The following C2CD2 variants were observed in gnomAD, a reference collection of about 807,000 sequenced individuals.
C2CD2 encodes C2 calcium dependent domain containing 2, also known as C2 domain-containing protein 2.
Under a neutral mutation model 74.3 loss-of-function variants are expected in C2CD2, and 43 were observed. The observed-to-expected ratio is 0.58, with a 90% CI of 0.45 to 0.75. The LOEUF is 0.75. C2CD2 is among the 30% of genes least tolerant of loss of function. C2CD2 has a pLI of 0.00. For missense variants in C2CD2, 801 were observed against 916.3 expected (o/e 0.87, Z 1.63); for synonymous variants, 422 against 390.7 (o/e 1.08, Z -0.94).
intron 1 of C2CD2, among the ~76,000 whole-genome samples, chr21:41,948,203 G>A (rs1300089580): frequency 6.6e-6 from 1 of 152,222 alleles, no homozygotes; most frequent in Non-Finnish European, 1.5e-5. Context: ...AGTCCAGATG[G>A]GGGAATGGGC....
rs1046742147 is a variant in C2CD2 at position 41,939,193 on chromosome 21, C to T, written c.378+2954G>A. Among the ~76,000 whole-genome samples, 1 of 152,174 alleles carries T rather than the reference C, an allele frequency of 6.6e-6. No homozygotes were observed. Among genetic ancestry groups the T allele is most frequent in the Non-Finnish European group, 1.5e-5 (1 of 68,042 alleles). On this transcript the variant is annotated intron_variant, in intron 2 of 13. Coordinates refer to ENST00000380486, the MANE Select transcript of C2CD2 (RefSeq NM_015500.2). The surrounding 1 kb of genome is among the most constrained non-coding windows in gnomAD (Gnocchi z 5.5). Reference sequence around the variant, plus strand: ...TGCTATGGTCATGGCCATACAAATACGATGCTGTTTTTCACTTCTAATTTA... The same window carrying T: ...TGCTATGGTCATGGCCATACAAATATGATGCTGTTTTTCACTTCTAATTTA...
At chr21:41,918,525 G>A (rs1388608703) in intron 4 of C2CD2, among the ~76,000 whole-genome samples, 2 of 152,180 alleles carry the variant, frequency 1.3e-5, no homozygotes, top group Non-Finnish European at 2.9e-5. Context: ...GGCTGCATAT[G>A]AGTGCTAAAA....
chr21:41,951,995 C>T (rs2146241049), intron 1 of C2CD2, among the ~76,000 whole-genome samples: 1 of 152,298 alleles, frequency 6.6e-6, no homozygotes, highest in East Asian at 1.9e-4. Context: ...GCCTCAGAAG[C>T]CTTGATTCCA....
At position 41,939,525 on chromosome 21, in the gene C2CD2, C is replaced by CG. The variant is rs536686793; in HGVS notation, c.378+2621dup. On this transcript the variant is annotated intron_variant, in intron 2 of 13. Coordinates refer to ENST00000380486, the MANE Select transcript of C2CD2 (RefSeq NM_015500.2). This position sits in a 1 kb window ranked among gnomAD's most constrained non-coding sequence, Gnocchi z 5.5. Reference sequence around the variant, plus strand: ...GCCTGGGAAGGCACTTCCAAAGCAGCGGGCTCCAGGAGGGCAGGCCCACGG... The same window carrying CG: ...GCCTGGGAAGGCACTTCCAAAGCAGCGGGGCTCCAGGAGGGCAGGCCCACGG... 7.9e-5 allele frequency among the ~76,000 whole-genome samples: 12 copies of CG among 152,298 alleles called. No homozygotes were observed. The East Asian group carries it at 2.3e-3, about 29-fold the overall frequency.
intron 5 of C2CD2, among the ~76,000 whole-genome samples, chr21:41,915,806 C>G (rs1040254974): frequency 2.6e-5 from 4 of 151,854 alleles, no homozygotes; most frequent in Non-Finnish European, 4.4e-5. Context: ...CTTTCCTTTT[C>G]TAATTATACT....
chr21:41,894,289 ACTGTTTT>A (rs1216330174), intron 13 of C2CD2, among the ~76,000 whole-genome samples: 2 of 152,132 alleles, frequency 1.3e-5, no homozygotes, highest in Admixed American at 1.3e-4. Flanking sequence ...GCTTTTGGTC[ACTGTTTT>A]CCTACCTATA....
intron 13 of C2CD2, among the ~76,000 whole-genome samples, chr21:41,896,755 A>T (rs2064828985): frequency 6.6e-6 from 1 of 151,870 alleles, no homozygotes; most frequent in Non-Finnish European, 1.5e-5. Context: ...AAAAAAAGAC[A>T]TCCTCTATCA....
intron 1 of C2CD2, among the ~76,000 whole-genome samples, chr21:41,948,351 C>T (rs751637451): frequency 2.4e-4 from 37 of 151,882 alleles, no homozygotes; most frequent in Non-Finnish European, 4.0e-4. Flanking sequence ...CTCACAATGC[C>T]GGGAGCTGAC....
In C2CD2 at chr21:41,895,780, T is replaced by C. The variant is rs983512914; in HGVS notation, c.1870+3273A>G. Among the ~76,000 whole-genome samples, 1 of 151,860 alleles carries C rather than the reference T, an allele frequency of 6.6e-6. No homozygotes were observed. Among genetic ancestry groups the C allele is most frequent in the African/African-American group, 2.4e-5 (1 of 41,280 alleles). On this transcript the variant is annotated intron_variant, in intron 13 of 13. Coordinates refer to ENST00000380486, the MANE Select transcript of C2CD2 (RefSeq NM_015500.2). This position sits in a 1 kb window ranked among gnomAD's most constrained non-coding sequence, Gnocchi z 5.0. ...CTCTACAGAGTCTAACAGACATAAA[T>C]AGCGAATTGAAGGTTCTGTCTTAAA...
intron 1 of C2CD2, among the ~76,000 whole-genome samples, chr21:41,949,997 C>T (rs373730712): frequency 8.5e-5 from 13 of 152,160 alleles, no homozygotes; most frequent in South Asian, 4.1e-4. Flanking sequence ...AGGGACTGGG[C>T]GGCTGGGGAA....
At position 41,945,159 on chromosome 21, in the gene C2CD2, G is replaced by C. The variant is rs896523789; in HGVS notation, c.280-2914C>G. Reference sequence around the variant, plus strand: ...TGCAATGTCTTACTCTTGGAGAAGGGAGTTAAGAATAAGAAAGTGAAAAAA... The same window carrying C: ...TGCAATGTCTTACTCTTGGAGAAGGCAGTTAAGAATAAGAAAGTGAAAAAA... On this transcript the variant is annotated intron_variant, in intron 1 of 13. Transcript: ENST00000380486. This position sits in a 1 kb window ranked among gnomAD's most constrained non-coding sequence, Gnocchi z 4.2. 1.2e-4 allele frequency among the ~76,000 whole-genome samples: 18 copies of C among 152,308 alleles called. No individual in the cohort carries two copies. The highest frequency in any genetic ancestry group is 4.1e-4 in the African/African-American group (17 of 41,564).
At position 41,896,707 on chromosome 21, in the gene C2CD2, C is replaced by CAAAAA. The variant is rs71332341; in HGVS notation, c.1870+2341_1870+2345dup. 9.4e-3 allele frequency among the ~76,000 whole-genome samples: 690 copies of CAAAAA among 73,346 alleles called. 3 individuals are homozygous for CAAAAA. Among genetic ancestry groups the CAAAAA allele is most frequent in the African/African-American group, 0.014 (267 of 19,128 alleles). The allele number at this position is 73,346 out of a possible 152,430, so 48.1% of individuals were successfully genotyped here. On this transcript the variant is annotated intron_variant, in intron 13 of 13. Transcript: ENST00000380486. ...CAAAAGATACAGGTGGTTCTTAAACCAAAAAAAAAAAAAAAAAAAAAACAA... is the reference window on the plus strand; with the variant it reads ...CAAAAGATACAGGTGGTTCTTAAACCAAAAAAAAAAAAAAAAAAAAAAAAAAACAA...
chr21:41,919,162 G>A (rs2065127843), intron 3 of C2CD2: 2 of 594,942 alleles, frequency 3.4e-6, no homozygotes, highest in South Asian at 1.9e-5. Context: ...GTGCATGTAT[G>A]AGCATGTGTG....
chr21:41,914,207 C>A (rs77732865), intron 6 of C2CD2, among the ~76,000 whole-genome samples: 3 of 148,296 alleles, frequency 2.0e-5, no homozygotes, highest in African/African-American at 7.5e-5. Context: ...GCCTGGGCAA[C>A]AAGAGCGAAA....
intron 2 of C2CD2, among the ~76,000 whole-genome samples, chr21:41,934,215 C>T (rs1384699496): frequency 1.3e-5 from 2 of 152,076 alleles, no homozygotes; most frequent in Non-Finnish European, 2.9e-5. Flanking sequence ...ATTACTTGAG[C>T]CCAGGAGTTC....
Position 41,939,885 on chromosome 21 carries a change from T to C in C2CD2, c.378+2262A>G, listed in dbSNP as rs1312226189. ...TGACCCGCCAGGCTCATGCCTGCCC[T>C]TGGGGTCCTCCGGTGCTTGTCTGAG... On this transcript the variant is annotated intron_variant, in intron 2 of 13. Coordinates refer to ENST00000380486, the MANE Select transcript of C2CD2 (RefSeq NM_015500.2). The surrounding 1 kb of genome is among the most constrained non-coding windows in gnomAD (Gnocchi z 5.5). Among the ~76,000 whole-genome samples, 1 of 152,180 alleles carries C rather than the reference T, an allele frequency of 6.6e-6. No homozygotes were observed. Among genetic ancestry groups the C allele is most frequent in the African/African-American group, 2.4e-5 (1 of 41,446 alleles).
chr21:41,931,083 A>G (rs560358935), intron 2 of C2CD2, among the ~76,000 whole-genome samples: 1 of 150,816 alleles, frequency 6.6e-6, no homozygotes, highest in African/African-American at 2.4e-5. Context: ...AGGTAATTGA[A>G]GTCTAGGAGA....
chr21:41,917,627 T>A (rs187082609), intron 5 of C2CD2, among the ~76,000 whole-genome samples: 18 of 152,256 alleles, frequency 1.2e-4, no homozygotes, highest in African/African-American at 4.3e-4. Context: ...AGGCAGGTGA[T>A]ATGGAAAAGG....
chr21:41,927,266 A>G (rs766693971), intron 2 of C2CD2, among the ~76,000 whole-genome samples: 1 of 152,132 alleles, frequency 6.6e-6, no homozygotes, highest in Non-Finnish European at 1.5e-5. Flanking sequence ...CCTGGGTTTA[A>G]GCAATTCTCC....
Sources: allele counts gnomAD v4.1 joint callset (sites outside exome capture counted in the v4.1 genomes callset), GRCh38; gene constraint gnomAD v4.1.1; non-coding constraint Gnocchi (gnomAD v3.1); transcripts MANE v1.5; gene names NCBI Gene and HGNC (gene_info 2026-07-23, HGNC 2026-07-21).